The following NRG2 variants were observed in gnomAD, a reference collection of about 807,000 sequenced individuals.
NRG2 encodes pro-neuregulin-2, membrane-bound isoform.
In NRG2, 27 loss-of-function variants were observed where a neutral mutation model predicts 73.9. The ratio of observed to expected loss-of-function variants is 0.37; its 90% CI spans 0.27 to 0.50. The LOEUF (loss-of-function observed/expected upper bound fraction) is 0.50. Among genes scored for constraint, NRG2 ranks in the 20% least tolerant of loss-of-function variants. The pLI is 0.96. For synonymous variants in NRG2, 532 were observed against 541.0 expected, an observed-to-expected ratio of 0.98 and a Z score of 0.23; for missense variants, 1,126 against 1,210.1, an observed-to-expected ratio of 0.93 and a Z score of 1.03.
chr5:139,992,627 C>T (rs1479647063), intron 1 of NRG2, among the ~76,000 whole-genome samples: 1 of 152,150 alleles, frequency 6.6e-6, no homozygotes, highest in Non-Finnish European at 1.5e-5. Flanking sequence ...TTTCATTTAT[C>T]ATGAATAATT....
chr5:139,982,599 G>T (rs1300355277), intron 1 of NRG2, among the ~76,000 whole-genome samples: 2 of 152,192 alleles, frequency 1.3e-5, no homozygotes, highest in South Asian at 4.2e-4. Flanking sequence ...CCAGCAGAGC[G>T]CGTCAGTCCT....
At chr5:139,962,109 C>T (rs1433106349) in intron 1 of NRG2, among the ~76,000 whole-genome samples, 1 of 152,160 alleles carries the variant, frequency 6.6e-6, no homozygotes, top group Admixed American at 6.5e-5. Context: ...GCCCCAGGAA[C>T]TAGCCCTTGA....
chr5:139,979,968 C>G (rs1165519960), intron 1 of NRG2, among the ~76,000 whole-genome samples: 1 of 152,192 alleles, frequency 6.6e-6, no homozygotes, highest in Admixed American at 6.5e-5. Flanking sequence ...TGAAAATACT[C>G]TGTTGGAAAC....
At chr5:139,911,120 G>A (rs1391295813) in intron 1 of NRG2, among the ~76,000 whole-genome samples, 1 of 152,064 alleles carries the variant, frequency 6.6e-6, no homozygotes, top group Non-Finnish European at 1.5e-5. Flanking sequence ...ACGGGGAGAG[G>A]AAGTGAGAAG....
intron 1 of NRG2, among the ~76,000 whole-genome samples, chr5:139,996,388 T>C (rs1481330511): frequency 2.0e-5 from 3 of 152,242 alleles, no homozygotes; most frequent in East Asian, 1.9e-4. Flanking sequence ...CATCACTGGA[T>C]ACTTAAGTTG....
chr5:139,975,375 C>T (rs1756309385), intron 1 of NRG2, among the ~76,000 whole-genome samples: 1 of 152,216 alleles, frequency 6.6e-6, no homozygotes, highest in Non-Finnish European at 1.5e-5. Context: ...GAACCGGCCC[C>T]GCAGTGTGGC....
intron 1 of NRG2, among the ~76,000 whole-genome samples, chr5:139,945,837 A>C (rs1753763965): frequency 6.6e-6 from 1 of 152,104 alleles, no homozygotes; most frequent in African/African-American, 2.4e-5. Flanking sequence ...TTTGCAAATG[A>C]AATTAAGAAA....
chr5:139,960,394 A>G (rs1006197901), intron 1 of NRG2, among the ~76,000 whole-genome samples: 2 of 152,200 alleles, frequency 1.3e-5, no homozygotes, highest in African/African-American at 4.8e-5. Context: ...ACATGCCCGT[A>G]GTCCCAGCTA....
chr5:139,967,974 AAAATAAATAAATAAATAAAT>A (rs58017535), intron 1 of NRG2, among the ~76,000 whole-genome samples: 4 of 144,420 alleles, frequency 2.8e-5, no homozygotes, highest in Admixed American at 2.1e-4. Flanking sequence ...ATAAAACATA[AAAATAAATAAATAAATAAAT>A]AAATAAATAA....
At chr5:139,943,418 G>A (rs1264490963) in intron 1 of NRG2, among the ~76,000 whole-genome samples, 1 of 152,158 alleles carries the variant, frequency 6.6e-6, no homozygotes, top group Non-Finnish European at 1.5e-5. Context: ...ACAGTGCTGG[G>A]ATTACAGGCA....
At position 140,042,926 on chromosome 5, in the gene NRG2, C is replaced by CCTG. The variant is rs956119901; in HGVS notation, c.141_143dup (p.Ser47dup). 1.3e-6 allele frequency: 2 copies of CCTG among 1,536,356 alleles called. No homozygotes were observed. The highest frequency in any genetic ancestry group is 4.9e-5 in the East Asian group (2 of 40,786). Reference sequence around the variant, plus strand: ...AGATGCTGCTGTTGTTGCTGCTGCTCCTGCTGCTGCTGCCGCTCTCGCTGC... The same window carrying CCTG: ...AGATGCTGCTGTTGTTGCTGCTGCTCCTGCTGCTGCTGCTGCCGCTCTCGCTGC... On this transcript the variant is annotated inframe_insertion, in exon 1 of 10. Coordinates refer to ENST00000361474, the MANE Select transcript of NRG2 (RefSeq NM_004883.3).
chr5:139,932,849 T>G (rs1752576564), intron 1 of NRG2, among the ~76,000 whole-genome samples: 1 of 152,004 alleles, frequency 6.6e-6, no homozygotes, highest in African/African-American at 2.4e-5. Context: ...TATTGGATGG[T>G]TAAACCATAA....
At chr5:140,021,005 T>G (rs1310283126) in intron 1 of NRG2, among the ~76,000 whole-genome samples, 2 of 152,216 alleles carry the variant, frequency 1.3e-5, no homozygotes, top group African/African-American at 4.8e-5. Flanking sequence ...GCAGAAAGAC[T>G]GTGAGTAGGT....
chr5:139,877,090 G>C (rs1399349796), intron 3 of NRG2, among the ~76,000 whole-genome samples: 1 of 152,140 alleles, frequency 6.6e-6, no homozygotes, highest in Non-Finnish European at 1.5e-5. Flanking sequence ...CTGACATCAG[G>C]GGCTGGTACA....
intron 1 of NRG2, among the ~76,000 whole-genome samples, chr5:140,023,486 T>C (rs1760404186): frequency 6.6e-6 from 1 of 152,214 alleles, no homozygotes; most frequent in Non-Finnish European, 1.5e-5. Context: ...ATAGTCTATT[T>C]TACCTTTTTG....
intron 1 of NRG2, among the ~76,000 whole-genome samples, chr5:140,025,059 C>T (rs927055422): frequency 2.0e-5 from 3 of 152,120 alleles, no homozygotes; most frequent in African/African-American, 7.2e-5. Context: ...TGAGGCTGAA[C>T]CCAGGGAGGC....
intron 1 of NRG2, among the ~76,000 whole-genome samples, chr5:139,906,337 C>T (rs985622197): frequency 6.6e-6 from 1 of 152,020 alleles, no homozygotes; most frequent in Admixed American, 6.5e-5. Flanking sequence ...CAAACTAGAT[C>T]ACTTCACTCA....
Position 139,848,002 on chromosome 5 carries a change from G to A in NRG2, c.2468C>T (p.Ser823Leu). Residue 823 changes from serine to leucine, a missense_variant, in exon 10 of 10, where the codon TCA becomes TTA. Physicochemically the swap from Ser to Leu is moderately radical, Grantham distance 145. Transcript: ENST00000361474. Reference sequence around the variant, plus strand: ...GGCCCGCGTGCTGTGGCTGTCCAGTGAGTAGTAAGTCCTGCTGTCGGCCGC... The same window carrying A: ...GGCCCGCGTGCTGTGGCTGTCCAGTAAGTAGTAAGTCCTGCTGTCGGCCGC... ...CPAADSRTYYSLDSHSTRASS... is the reference protein window; with the variant it reads ...CPAADSRTYYLLDSHSTRASS... 1 of 1,515,550 alleles carries A rather than the reference G, an allele frequency of 6.6e-7. No individual in the cohort carries two copies. The highest frequency in any genetic ancestry group is 8.8e-7 in the Non-Finnish European group (1 of 1,136,166). 93.9% of individuals were successfully genotyped at this position (1,515,550 alleles called of 1,614,324 possible). A position where few individuals can be genotyped will look rare whatever the true frequency, so the allele number is the denominator to read the frequency against.
At chr5:140,012,916 C>T (rs533298651) in intron 1 of NRG2, among the ~76,000 whole-genome samples, 1 of 152,300 alleles carries the variant, frequency 6.6e-6, no homozygotes, top group African/African-American at 2.4e-5. Context: ...ACACAATCAC[C>T]TAGACTGGTC....
Sources: allele counts gnomAD v4.1 joint callset (sites outside exome capture counted in the v4.1 genomes callset), GRCh38; gene constraint gnomAD v4.1.1; transcripts MANE v1.5; gene names NCBI Gene and HGNC (gene_info 2026-07-23, HGNC 2026-07-21).